Variants in TSPOAP1 observed in about 807,000 individuals in gnomAD.
TSPOAP1 encodes TSPO associated protein 1.
Under a neutral mutation model 197.0 loss-of-function variants are expected in TSPOAP1, and 87 were observed. The observed-to-expected ratio is 0.44, with a 90% CI of 0.37 to 0.53. The LOEUF is 0.53. TSPOAP1 is among the 20% of genes least tolerant of loss of function. TSPOAP1 has a pLI of 0.00. For missense variants in TSPOAP1, 2,174 were observed against 2,411.3 expected (o/e 0.90, Z 2.06); for synonymous variants, 913 against 998.9 (o/e 0.91, Z 1.62).
Position 58,311,603 on chromosome 17 carries a change from T to C in TSPOAP1, c.3049A>G (p.Thr1017Ala). 10 of 1,604,164 alleles carry C rather than the reference T, an allele frequency of 6.2e-6. No homozygotes were observed. The highest frequency in any genetic ancestry group is 7.7e-6 in the Non-Finnish European group (9 of 1,173,734). ...CCATCAGCGTAGATGGCATAGCCTG[T>C]GACCCGGACACCGTTGGATGTGCCA... ...AAGTSNGVRV[T>A]GYAIYADGQK... Residue 1017 changes from threonine to alanine, a missense_variant, in exon 18 of 32, where the codon ACA (threonine) becomes GCA (alanine). This residue lies in a region of TSPOAP1 where 1,933 missense variants were observed against 2,139.0 expected (regional missense o/e 0.90). Transcript: ENST00000343736.
chr17:58,305,764 G>A, intron 27 of TSPOAP1, 69 bp downstream of exon 27: 1 of 1,591,128 alleles, frequency 6.3e-7, no homozygotes, highest in Non-Finnish European at 8.6e-7. Context: ...TAGCCAATGG[G>A]GCGAGGCCAG....
Position 58,310,710 on chromosome 17 carries a change from C to T in TSPOAP1, c.3501G>A (p.Arg1167=). Residue 1167 remains arginine (R), a synonymous_variant, in exon 20 of 32, where the codon AGG becomes AGA. Coordinates refer to ENST00000343736, the MANE Select transcript of TSPOAP1 (RefSeq NM_004758.4). The part of the protein sequence containing the change: ...GAAVLGTSEE[R]TASTSTLGEK... ...CACCCAGGGTAGATGTGCTGGCTGT[C>T]CTCTCCTCTGAGGTGCCCAGCACTG... 1 of 1,612,946 alleles carries T rather than the reference C, an allele frequency of 6.2e-7. No homozygotes were observed. Among genetic ancestry groups the T allele is most frequent in the South Asian group, 1.1e-5 (1 of 91,044 alleles).
chr17:58,309,873 G>A lies in TSPOAP1; in HGVS notation c.3891+94C>T. 6.9e-7 allele frequency: 1 copy of A among 1,451,624 alleles called. No individual in the cohort carries two copies. The highest frequency in any genetic ancestry group is 9.3e-7 in the Non-Finnish European group (1 of 1,076,470). The allele number at this position is 1,451,624 out of a possible 1,614,324, so 89.9% of individuals were successfully genotyped here. ...AGGCCACAGACCTAGAATGTTTCTGGCACTCAGTGGTGGTCAGAGCACCTG... is the reference window on the plus strand; with the variant it reads ...AGGCCACAGACCTAGAATGTTTCTGACACTCAGTGGTGGTCAGAGCACCTG... On this transcript the variant is annotated intron_variant, in intron 21 of 31. Transcript: ENST00000343736. This position sits in a 1 kb window ranked among gnomAD's most constrained non-coding sequence, Gnocchi z 5.0.
In TSPOAP1 at chr17:58,327,956, G is replaced by C. The variant is rs1367588222; in HGVS notation, c.-36C>G. 2.0e-6 allele frequency: 3 copies of C among 1,529,708 alleles called. No individual in the cohort carries two copies. Among genetic ancestry groups the C allele is most frequent in the Non-Finnish European group, 1.8e-6 (2 of 1,132,922 alleles). The allele number at this position is 1,529,708 out of a possible 1,614,324, so 94.8% of individuals were successfully genotyped here. A position where few individuals can be genotyped will look rare whatever the true frequency, so the allele number is the denominator to read the frequency against. ...AGGGGCCCCAGAACCCGGGCCGGGG[G>C]ACATCACCCAGCCAGGTGGGGGGAC... On this transcript the variant is annotated 5_prime_UTR_variant, in exon 1 of 32. Coordinates refer to ENST00000343736, the MANE Select transcript of TSPOAP1 (RefSeq NM_004758.4).
At position 58,305,829 on chromosome 17, in the gene TSPOAP1, T is replaced by G; in HGVS notation, c.5257+4A>C. On this transcript the variant is annotated splice_donor_region_variant and intron_variant, in intron 27 of 31. Transcript: ENST00000343736. ...GCCTCCCGGGCCCAGGGATATTCCT[T>G]CACCTGGACAGGGCTGGGCAGGGCC... 1 of 1,612,854 alleles carries G rather than the reference T, an allele frequency of 6.2e-7. No homozygotes were observed. The highest frequency in any genetic ancestry group is 1.7e-5 in the Admixed American group (1 of 59,966).
chr17:58,324,683 GC>G lies in TSPOAP1; in HGVS notation c.942+127del. 1.2e-6 allele frequency: 1 copy of G among 802,472 alleles called. No individual in the cohort carries two copies. Among genetic ancestry groups the G allele is most frequent in the Non-Finnish European group, 1.8e-6 (1 of 564,962 alleles). The allele number at this position is 802,472 out of a possible 1,614,324, so 49.7% of individuals were successfully genotyped here. A position where few individuals can be genotyped will look rare whatever the true frequency, so the allele number is the denominator to read the frequency against. On this transcript the variant is annotated intron_variant, in intron 5 of 31. Transcript: ENST00000343736. The surrounding 1 kb of genome is among the most constrained non-coding windows in gnomAD (Gnocchi z 5.8). ...CTGCCCAGGACGGGAAAGCTCCCCA[GC>G]CCCTGGGAGTGCGCACACCACCACT...
intron 24 of TSPOAP1, 152 bp from the exon 25 acceptor site, chr17:58,307,120 G>A (rs1970922531): frequency 1.2e-6 from 1 of 825,766 alleles, no homozygotes. Context: ...GCAAAGAACA[G>A]GATCAGAGGG....
chr17:58,311,502 GCCTAGA>G, intron 18 of TSPOAP1, 63 bp downstream of exon 18: 5 of 1,514,066 alleles, frequency 3.3e-6, no homozygotes, highest in Non-Finnish European at 4.4e-6. Context: ...AAGCCAGAGA[GCCTAGA>G]CCTCTGAGCA....
In TSPOAP1 at chr17:58,322,088, G is replaced by C; in HGVS notation, c.1422+220C>G. The C allele has an allele frequency of 1.8e-6, 1 of 547,096 alleles. No homozygotes were observed. The highest frequency in any genetic ancestry group is 3.2e-6 in the Non-Finnish European group (1 of 310,352). 33.9% of individuals were successfully genotyped at this position (547,096 alleles called of 1,614,324 possible). A position where few individuals can be genotyped will look rare whatever the true frequency, so the allele number is the denominator to read the frequency against. The stretch of plus-strand genomic sequence containing the variant: ...CTCCTCACCCCATCCCAGTCACTTT[G>C]TCACATCACCCTGTTCTTCTCCACC... On this transcript the variant is annotated intron_variant, in intron 10 of 31. Transcript: ENST00000343736. The surrounding 1 kb of genome is among the most constrained non-coding windows in gnomAD (Gnocchi z 5.0).
chr17:58,324,690 G>T lies in TSPOAP1; in HGVS notation c.942+121C>A. 1.2e-6 allele frequency: 1 copy of T among 856,700 alleles called. No individual in the cohort carries two copies. Among genetic ancestry groups the T allele is most frequent in the Non-Finnish European group, 1.6e-6 (1 of 611,700 alleles). 53.1% of individuals were successfully genotyped at this position (856,700 alleles called of 1,614,324 possible). On this transcript the variant is annotated intron_variant, in intron 5 of 31. Coordinates refer to ENST00000343736, the MANE Select transcript of TSPOAP1 (RefSeq NM_004758.4). The surrounding 1 kb of genome is among the most constrained non-coding windows in gnomAD (Gnocchi z 5.8). ...GGACGGGAAAGCTCCCCAGCCCCTG[G>T]GAGTGCGCACACCACCACTGAGTCC...
chr17:58,325,789 G>T, intron 3 of TSPOAP1, 76 bp from the exon 4 acceptor site: 7 of 1,475,152 alleles, frequency 4.7e-6, no homozygotes, highest in Non-Finnish European at 5.4e-6. Context: ...TCCTCCCAAA[G>T]GAGGAGTTAG....
In TSPOAP1 at chr17:58,322,995, C is replaced by T. The variant is rs1971448429; in HGVS notation, c.1149G>A (p.Val383=). The change falls in exon 8 of 32, where the codon GTG becomes GTA. Residue 383 remains valine (V), a synonymous_variant. Coordinates refer to ENST00000343736, the MANE Select transcript of TSPOAP1 (RefSeq NM_004758.4). This position sits in a 1 kb window ranked among gnomAD's most constrained non-coding sequence, Gnocchi z 5.0. ...RQAQNENARL[V]EENSRLSGRA... ...TCCCACTGAGCCGGGAGTTCTCCTC[C>T]ACCAGGCGGGCATTCTCATTCTGCG... 6.2e-7 allele frequency: 1 copy of T among 1,611,788 alleles called. No individual in the cohort carries two copies. Among genetic ancestry groups the T allele is most frequent in the Non-Finnish European group, 8.5e-7 (1 of 1,179,146 alleles).
At chr17:58,308,408 G>T in intron 22 of TSPOAP1, 133 bp downstream of exon 22, 1 of 1,338,598 alleles carries the variant, frequency 7.5e-7, no homozygotes, top group Non-Finnish European at 1.0e-6. Context: ...GGCAGGTGAG[G>T]GAGCCCGGAG....
At position 58,310,276 on chromosome 17, in the gene TSPOAP1, A is replaced by T. The variant is rs934318601; in HGVS notation, c.3700-118T>A. ...TCCTTTGGCAGAGGGAGAAAGAGCCATGTCCTAAATGGGGGAGGCACACCA... is the reference window on the plus strand; with the variant it reads ...TCCTTTGGCAGAGGGAGAAAGAGCCTTGTCCTAAATGGGGGAGGCACACCA... On this transcript the variant is annotated intron_variant, in intron 20 of 31. Transcript: ENST00000343736. 4.8e-6 allele frequency: 5 copies of T among 1,035,356 alleles called. No homozygotes were observed. In the African/African-American group the frequency reaches 8.2e-5, roughly 17 times the overall value. The allele number at this position is 1,035,356 out of a possible 1,614,324, so 64.1% of individuals were successfully genotyped here. A position where few individuals can be genotyped will look rare whatever the true frequency, so the allele number is the denominator to read the frequency against.
chr17:58,318,486 G>A (rs774350420), intron 13 of TSPOAP1, 34 bp from the exon 14 acceptor site: 2 of 1,590,194 alleles, frequency 1.3e-6, no homozygotes, highest in South Asian at 2.2e-5. Context: ...CTTGGGGTCT[G>A]TGGCCTGAGG....
At position 58,311,199 on chromosome 17, in the gene TSPOAP1, G is replaced by C. The variant is rs149814095; in HGVS notation, c.3096C>G (p.Ala1032=). The change falls in exon 19 of 32, where the codon GCC becomes GCG. Residue 1032 remains alanine (A), a synonymous_variant. Coordinates refer to ENST00000343736, the MANE Select transcript of TSPOAP1 (RefSeq NM_004758.4). ...YADGQKIMEV[A]SPTAGSVLVE... ...CCAGTACACTGCCTGCCGTGGGTGA[G>C]GCCACCTCCATGATCTGCAGGGTGG... 250 of 1,611,796 alleles carry C rather than the reference G, an allele frequency of 1.6e-4. 1 individual carries two copies. The African/African-American group carries it at 3.1e-3, about 20-fold the overall frequency.
chr17:58,326,790 C>G lies in TSPOAP1; in HGVS notation c.334G>C (p.Ala112Pro). The G allele has an allele frequency of 6.2e-7, 1 of 1,613,892 alleles. No individual in the cohort carries two copies. The highest frequency in any genetic ancestry group is 8.5e-7 in the Non-Finnish European group (1 of 1,179,910). The stretch of plus-strand genomic sequence containing the variant: ...TCCCCAAAGCTCATATTCAGCTTGG[C>G]CTGGCATGGGAAAGGACCGAGGACA... The part of the protein sequence containing the change: ...EDEEVEAFLK[A>P]KLNMSFGDRP... The change falls in exon 2 of 32, where the codon GCC becomes CCC. Residue 112 changes from alanine to proline, a missense_variant and splice_region_variant. This residue lies in a region of TSPOAP1 where 1,933 missense variants were observed against 2,139.0 expected (regional missense o/e 0.90). Coordinates refer to ENST00000343736, the MANE Select transcript of TSPOAP1 (RefSeq NM_004758.4). The surrounding 1 kb of genome is among the most constrained non-coding windows in gnomAD (Gnocchi z 4.7).
chr17:58,327,913 T>C lies in TSPOAP1; in HGVS notation c.8A>G (p.Gln3Arg). ...CCCAGGCCGTGGGAGGGTTGTCAGT[T>C]GCTCCATGGTACTGCCAAGGGGCCC... ME[Q>R]LTTLPRPGDP... is the part of the protein sequence containing the mutation. The change falls in exon 1 of 32, where the codon CAA (glutamine) becomes CGA (arginine). Residue 3 changes from glutamine to arginine, a missense_variant. Physicochemically the swap from Gln to Arg is conservative, Grantham distance 43. This residue lies in a region of TSPOAP1 where 1,933 missense variants were observed against 2,139.0 expected (regional missense o/e 0.90). Transcript: ENST00000343736. 1 of 1,597,084 alleles carries C rather than the reference T, an allele frequency of 6.3e-7. No individual in the cohort carries two copies.
Position 58,304,728 on chromosome 17 carries a change from A to C in TSPOAP1, c.5545-329T>G. Reference sequence around the variant, plus strand: ...CACCCCCAGGGTGGGAGTGTCCTGAAACAGGGACTTTGATTGGCCACAGGT... The same window carrying C: ...CACCCCCAGGGTGGGAGTGTCCTGACACAGGGACTTTGATTGGCCACAGGT... On this transcript the variant is annotated intron_variant, in intron 30 of 31. Coordinates refer to ENST00000343736, the MANE Select transcript of TSPOAP1 (RefSeq NM_004758.4). This position sits in a 1 kb window ranked among gnomAD's most constrained non-coding sequence, Gnocchi z 4.2. 1 of 565,592 alleles carries C rather than the reference A, an allele frequency of 1.8e-6. No individual in the cohort carries two copies. Among genetic ancestry groups the C allele is most frequent in the Non-Finnish European group, 3.2e-6 (1 of 312,400 alleles). 35.0% of individuals were successfully genotyped at this position (565,592 alleles called of 1,614,324 possible).
Sources: allele counts gnomAD v4.1 joint callset, GRCh38; gene constraint gnomAD v4.1.1; regional missense constraint gnomAD v4.1.1; non-coding constraint Gnocchi (gnomAD v3.1); transcripts MANE v1.5; gene names NCBI Gene and HGNC (gene_info 2026-07-23, HGNC 2026-07-21).